GPR15LG: variants seen among roughly 807,000 people sequenced by gnomAD.
GPR15LG encodes the protein protein GPR15LG.
chr10:84,184,768 A>G, the GPR15LG span: 10 of 1,613,238 alleles, frequency 6.2e-6, no homozygotes, highest in Admixed American at 1.7e-4. Context: ...CAGGTGTAGC[A>G]CTCCCAAAGC....
At chr10:84,181,050 T>C in the GPR15LG span, among the ~76,000 whole-genome samples, 2 of 134,700 alleles carry the variant, frequency 1.5e-5, no homozygotes, top group African/African-American at 5.6e-5. Context: ...AGTCCAGCCT[T>C]GGCTCAGCAT....
chr10:84,174,636 G>A, the GPR15LG span, among the ~76,000 whole-genome samples: 10 of 151,956 alleles, frequency 6.6e-5, no homozygotes, highest in African/African-American at 2.2e-4. Context: ...GAGATTACAG[G>A]TGCCCACCAC....
At chr10:84,178,798 G>A in the GPR15LG span, among the ~76,000 whole-genome samples, 2 of 152,312 alleles carry the variant, frequency 1.3e-5, no homozygotes, top group East Asian at 3.9e-4. Context: ...TTCTTTCTGT[G>A]TGTATATTTT....
the GPR15LG span, among the ~76,000 whole-genome samples, chr10:84,181,209 G>A: frequency 7.0e-6 from 1 of 142,954 alleles, no homozygotes; most frequent in Non-Finnish European, 1.5e-5. Flanking sequence ...GAGGGAGAGG[G>A]AGAGGGAGAA....
At chr10:84,174,163 G>T in the GPR15LG span, among the ~76,000 whole-genome samples, 1 of 152,152 alleles carries the variant, frequency 6.6e-6, no homozygotes, top group Non-Finnish European at 1.5e-5. Context: ...TAAGTAAAGT[G>T]GTGTGTTCGC....
chr10:84,177,904 A>C, the GPR15LG span, among the ~76,000 whole-genome samples: 4 of 152,294 alleles, frequency 2.6e-5, no homozygotes, highest in East Asian at 7.7e-4. Context: ...AGAGGCAGGA[A>C]GTTGAGGGGG....
chr10:84,175,872 CT>C, the GPR15LG span, among the ~76,000 whole-genome samples: 15,102 of 151,880 alleles, frequency 0.099, 880 homozygotes, highest in East Asian at 0.2. Flanking sequence ...TTTATTCAGG[CT>C]TTTTTTCTTT....
the GPR15LG span, chr10:84,176,487 G>T: frequency 5.0e-6 from 8 of 1,612,856 alleles, no homozygotes; most frequent in Non-Finnish European, 5.9e-6. Context: ...CAGGGAAGAG[G>T]CGTCCTGCCA....
the GPR15LG span, chr10:84,184,794 G>A: frequency 2.8e-4 from 459 of 1,612,854 alleles, no homozygotes; most frequent in South Asian, 1.3e-3. Flanking sequence ...TCCAGACAGC[G>A]GAGAACCTCA....
the GPR15LG span, among the ~76,000 whole-genome samples, chr10:84,183,020 C>T: frequency 1.4e-5 from 2 of 144,922 alleles, no homozygotes; most frequent in Non-Finnish European, 3.0e-5. Flanking sequence ...AAGCACTTAC[C>T]AATAGAAAAA....
chr10:84,175,720 G>C, the GPR15LG span, among the ~76,000 whole-genome samples: 2 of 152,116 alleles, frequency 1.3e-5, no homozygotes, highest in Admixed American at 1.3e-4. Context: ...TGCCCAGGCT[G>C]GTCTTGAACT....
the GPR15LG span, among the ~76,000 whole-genome samples, chr10:84,180,425 G>T: frequency 6.6e-5 from 10 of 152,246 alleles, no homozygotes; most frequent in African/African-American, 2.4e-4. Context: ...CGGCCGGGCA[G>T]AGGGGCTCCT....
the GPR15LG span, among the ~76,000 whole-genome samples, chr10:84,183,289 CTAAG>C: frequency 6.6e-6 from 1 of 152,166 alleles, no homozygotes; most frequent in Non-Finnish European, 1.5e-5. Flanking sequence ...CCCACAGCTA[CTAAG>C]TAAGTGATAG....
chr10:84,184,699 G>C, the GPR15LG span: 1 of 1,614,038 alleles, frequency 6.2e-7, no homozygotes, highest in Admixed American at 1.7e-5. Context: ...GTGAGGCTCT[G>C]TAAACCATGC....
At chr10:84,182,363 C>A in the GPR15LG span, among the ~76,000 whole-genome samples, 1 of 152,198 alleles carries the variant, frequency 6.6e-6, no homozygotes, top group Non-Finnish European at 1.5e-5. Context: ...TTTAGTGACC[C>A]AAAGCAGTGT....
At chr10:84,174,562 C>T in the GPR15LG span, among the ~76,000 whole-genome samples, 1 of 141,404 alleles carries the variant, frequency 7.1e-6, no homozygotes, top group African/African-American at 2.6e-5. Context: ...GGCGCTATCT[C>T]AGCTCACTGC....
At chr10:84,184,602 C>G in the GPR15LG span, 5 of 1,380,838 alleles carry the variant, frequency 3.6e-6, no homozygotes, top group Middle Eastern at 1.8e-4. Flanking sequence ...TTGTGTTTTC[C>G]TCTCTCTCCC....
the GPR15LG span, among the ~76,000 whole-genome samples, chr10:84,182,142 C>T: frequency 6.6e-6 from 1 of 152,184 alleles, no homozygotes; most frequent in East Asian, 1.9e-4. Context: ...ACTGCATGAA[C>T]AAATGTTACC....
At chr10:84,175,783 G>A in the GPR15LG span, among the ~76,000 whole-genome samples, 20 of 152,196 alleles carry the variant, frequency 1.3e-4, no homozygotes, top group African/African-American at 4.8e-4. Flanking sequence ...TAGGATCACA[G>A]GCATGAGCCA....
Sources: allele counts gnomAD v4.1 joint callset (sites outside exome capture counted in the v4.1 genomes callset), GRCh38; gene constraint gnomAD v4.1.1; transcripts MANE v1.5; gene names NCBI Gene and HGNC (gene_info 2026-07-23, HGNC 2026-07-21).